The following ST3GAL1 variants were observed in gnomAD, a reference collection of about 807,000 sequenced individuals.
ST3GAL1 encodes the protein ST3 beta-galactoside alpha-2,3-sialyltransferase 1, also known as CMP-N-acetylneuraminate-beta-galactosamide-alpha-2,3-sialyltransferase 1.
A neutral mutation model predicts 34.1 loss-of-function variants in ST3GAL1; 16 were observed. That is an observed-to-expected ratio of 0.47 (90% CI 0.32 to 0.71). The LOEUF is 0.71. ST3GAL1 is among the 30% of genes least tolerant of loss of function. ST3GAL1 has a pLI of 0.04. For synonymous variants in ST3GAL1, 191 were observed against 184.7 expected, an observed-to-expected ratio of 1.03 and a Z score of -0.28; for missense variants, 353 against 447.4, an observed-to-expected ratio of 0.79 and a Z score of 1.90.
At position 133,459,843 on chromosome 8, in the gene ST3GAL1, A is replaced by G. The variant is rs754116044; in HGVS notation, c.944T>C (p.Val315Ala). ...PSAGAFRKTGVHDADFESNVT... is the reference protein window; with the variant it reads ...PSAGAFRKTGAHDADFESNVT... ...GTTAGACTCAAAGTCTGCATCGTGC[A>G]CCCCCGTCTTGCGAAAAGCCCCCGC... The change falls in exon 10 of 10, where the codon GTG becomes GCG. Residue 315 changes from valine to alanine, a missense_variant. Transcript: ENST00000522652. The surrounding 1 kb of genome is among the most constrained non-coding windows in gnomAD (Gnocchi z 4.7). 6.2e-7 allele frequency: 1 copy of G among 1,613,954 alleles called. No homozygotes were observed. The highest frequency in any genetic ancestry group is 1.1e-5 in the South Asian group (1 of 91,060).
rs971852095 is a variant in ST3GAL1 at position 133,491,337 on chromosome 8, G to A, written c.-374+7798C>T. On this transcript the variant is annotated intron_variant, in intron 3 of 9. Transcript: ENST00000522652. ...GGGAATTCCAGGGGTTGCACTATGC[G>A]CGCACCCAGGCTCACACCTGTCCCA... 9.9e-5 allele frequency among the ~76,000 whole-genome samples: 15 copies of A among 152,096 alleles called. No individual in the cohort carries two copies. The South Asian group carries it at 1.0e-3, about 11-fold the overall frequency.
At chr8:133,541,120 T>TATATAG (rs71299078) in intron 2 of ST3GAL1, among the ~76,000 whole-genome samples, 5 of 48,644 alleles carry the variant, frequency 1.0e-4, no homozygotes, top group South Asian at 8.2e-4. Flanking sequence ...TATATATATA[T>TATATAG]AGAGAGAGAG....
intron 2 of ST3GAL1, among the ~76,000 whole-genome samples, chr8:133,532,451 C>T (rs1177806686): frequency 6.6e-6 from 1 of 151,716 alleles, no homozygotes; most frequent in Admixed American, 6.6e-5. Flanking sequence ...CAGAGCGAGA[C>T]TCTGTCTCAA....
intron 1 of ST3GAL1, among the ~76,000 whole-genome samples, chr8:133,555,276 G>A (rs749481086): frequency 7.9e-5 from 12 of 152,094 alleles, no homozygotes; most frequent in Non-Finnish European, 1.2e-4. Flanking sequence ...GGAACAGCAC[G>A]CTTCCCTGGT....
rs957259296 is a variant in ST3GAL1, at chr8:133,461,477, A to G, written c.849+398T>C. Among the ~76,000 whole-genome samples the G allele has an allele frequency of 3.9e-5, 6 of 152,122 alleles. No individual in the cohort carries two copies. The highest frequency in any genetic ancestry group is 1.4e-4 in the African/African-American group (6 of 41,432). On this transcript the variant is annotated intron_variant, in intron 9 of 9. Coordinates refer to ENST00000522652, the MANE Select transcript of ST3GAL1 (RefSeq NM_173344.3). This position sits in a 1 kb window ranked among gnomAD's most constrained non-coding sequence, Gnocchi z 4.7. ...CCTGGCTCCCATTAATTCTGGTAAAATTGGGCCAAGGTGTGGCTTGGGTGC... is the reference window on the plus strand; with the variant it reads ...CCTGGCTCCCATTAATTCTGGTAAAGTTGGGCCAAGGTGTGGCTTGGGTGC...
Position 133,522,063 on chromosome 8 carries a change from C to A in ST3GAL1, c.-428-22874G>T, listed in dbSNP as rs1817827619. 2.0e-5 allele frequency among the ~76,000 whole-genome samples: 3 copies of A among 152,164 alleles called. No homozygotes were observed. The South Asian group carries it at 6.2e-4, about 32-fold the overall frequency. On this transcript the variant is annotated intron_variant, in intron 2 of 9. Transcript: ENST00000522652. ...TTAAAAATGGTGGTGCCTTTATAATCTTCTCCAGCAGCCCAACTCTGGGCA... is the reference window on the plus strand; with the variant it reads ...TTAAAAATGGTGGTGCCTTTATAATATTCTCCAGCAGCCCAACTCTGGGCA...
chr8:133,526,075 C>T (rs1028555899), intron 2 of ST3GAL1, among the ~76,000 whole-genome samples: 1 of 152,194 alleles, frequency 6.6e-6, no homozygotes. Context: ...CTGGCATCCC[C>T]ACAGCAGCTG....
chr8:133,491,341 A>G lies in ST3GAL1; in HGVS notation c.-374+7794T>C, dbSNP rs1401626551. On this transcript the variant is annotated intron_variant, in intron 3 of 9. Transcript: ENST00000522652. ...ATTCCAGGGGTTGCACTATGCGCGCACCCAGGCTCACACCTGTCCCAGAAG... is the reference window on the plus strand; with the variant it reads ...ATTCCAGGGGTTGCACTATGCGCGCGCCCAGGCTCACACCTGTCCCAGAAG... Among the ~76,000 whole-genome samples, 3 of 152,102 alleles carry G rather than the reference A, an allele frequency of 2.0e-5. No homozygotes were observed. The East Asian group carries it at 5.8e-4, about 29-fold the overall frequency.
chr8:133,535,438 C>A (rs900600858), intron 2 of ST3GAL1, among the ~76,000 whole-genome samples: 4 of 152,074 alleles, frequency 2.6e-5, no homozygotes, highest in Non-Finnish European at 2.9e-5. Context: ...ATCGTGGCAA[C>A]CTTGTGTTGG....
intron 1 of ST3GAL1, among the ~76,000 whole-genome samples, chr8:133,558,283 C>T (rs1423573693): frequency 6.6e-6 from 1 of 152,172 alleles, no homozygotes; most frequent in Non-Finnish European, 1.5e-5. Flanking sequence ...CTCTTCTGAG[C>T]ACGGTCCAAG....
At chr8:133,489,887 G>T (rs993094234) in intron 3 of ST3GAL1, among the ~76,000 whole-genome samples, 4 of 152,048 alleles carry the variant, frequency 2.6e-5, no homozygotes, top group Non-Finnish European at 5.9e-5. Context: ...AAATATCAAA[G>T]AATCCTCATT....
chr8:133,483,203 G>A (rs1456143658), intron 3 of ST3GAL1, among the ~76,000 whole-genome samples: 6 of 152,170 alleles, frequency 3.9e-5, no homozygotes, highest in Non-Finnish European at 7.3e-5. Context: ...TTAGCCGGGT[G>A]TGGTGGCAGG....
chr8:133,557,528 C>G (rs1462542668), intron 1 of ST3GAL1, among the ~76,000 whole-genome samples: 2 of 152,126 alleles, frequency 1.3e-5, no homozygotes, highest in Non-Finnish European at 2.9e-5. Context: ...GTCGCACCAG[C>G]CAGGCCCTGT....
chr8:133,491,893 A>C (rs999860226), intron 3 of ST3GAL1, among the ~76,000 whole-genome samples: 2 of 152,168 alleles, frequency 1.3e-5, no homozygotes, highest in African/African-American at 4.8e-5. Context: ...TGGGCCCCAG[A>C]GGAGAGGAAG....
intron 3 of ST3GAL1, among the ~76,000 whole-genome samples, chr8:133,496,885 C>A (rs996324735): frequency 6.6e-6 from 1 of 152,216 alleles, no homozygotes; most frequent in African/African-American, 2.4e-5. Context: ...AGGAGCCCTT[C>A]TTTTTTAACA....
At position 133,457,776 on chromosome 8, in the gene ST3GAL1, C is replaced by T. The variant is rs2130906947; in HGVS notation, c.*1988G>A. On this transcript the variant is annotated 3_prime_UTR_variant, in exon 10 of 10. Coordinates refer to ENST00000522652, the MANE Select transcript of ST3GAL1 (RefSeq NM_173344.3). ...GGGACTCTTGTGAATGGCCTGAAGCCACCTGTGACCCATGACTGATGTCCC... is the reference window on the plus strand; with the variant it reads ...GGGACTCTTGTGAATGGCCTGAAGCTACCTGTGACCCATGACTGATGTCCC... 6.6e-6 allele frequency: 1 copy of T among 152,346 alleles called. No homozygotes were observed. Among genetic ancestry groups the T allele is most frequent in the South Asian group, 2.1e-4 (1 of 4,826 alleles). 9.4% of individuals were successfully genotyped at this position (152,346 alleles called of 1,614,324 possible). A position where few individuals can be genotyped will look rare whatever the true frequency, so the allele number is the denominator to read the frequency against.
chr8:133,516,564 G>GTCA (rs1244226620), intron 2 of ST3GAL1, among the ~76,000 whole-genome samples: 1 of 152,156 alleles, frequency 6.6e-6, no homozygotes, highest in African/African-American at 2.4e-5. Context: ...CAGCTCAAAT[G>GTCA]TCATCCTTCA....
chr8:133,536,922 G>A (rs1818329159), intron 2 of ST3GAL1, among the ~76,000 whole-genome samples: 1 of 152,128 alleles, frequency 6.6e-6, no homozygotes, highest in Non-Finnish European at 1.5e-5. Context: ...GGTCAACACA[G>A]AAGACTTCTG....
At chr8:133,503,327 G>C (rs1817240889) in intron 2 of ST3GAL1, among the ~76,000 whole-genome samples, 1 of 152,188 alleles carries the variant, frequency 6.6e-6, no homozygotes, top group Non-Finnish European at 1.5e-5. Flanking sequence ...GCAGCTCAGT[G>C]GCCATGGATA....
Sources: allele counts gnomAD v4.1 joint callset (sites outside exome capture counted in the v4.1 genomes callset), GRCh38; gene constraint gnomAD v4.1.1; non-coding constraint Gnocchi (gnomAD v3.1); transcripts MANE v1.5; gene names NCBI Gene and HGNC (gene_info 2026-07-23, HGNC 2026-07-21).